The following ASAP1 variants were observed in gnomAD, a reference collection of about 807,000 sequenced individuals.
ASAP1 encodes ArfGAP with SH3 domain, ankyrin repeat and PH domain 1.
A neutral mutation model predicts 145.2 loss-of-function variants in ASAP1; 43 were observed. That is an observed-to-expected ratio of 0.30 (90% CI 0.23 to 0.38). ASAP1 has a LOEUF of 0.38. ASAP1 is among the 10% of genes least tolerant of loss of function. The pLI is 1.00. For missense variants in ASAP1, 1,018 were observed against 1,355.3 expected, an observed-to-expected ratio of 0.75 and a Z score of 3.91; for synonymous variants, 546 against 515.5, an observed-to-expected ratio of 1.06 and a Z score of -0.80.
intron 24 of ASAP1, among the ~76,000 whole-genome samples, chr8:130,108,520 C>T (rs1360459370): frequency 3.9e-5 from 6 of 152,042 alleles, no homozygotes; most frequent in Admixed American, 3.3e-4. Context: ...CAGGCTTGGC[C>T]GGGTGTGGTG....
intron 3 of ASAP1, among the ~76,000 whole-genome samples, chr8:130,262,045 G>C (rs749002001): frequency 2.6e-5 from 4 of 151,912 alleles, no homozygotes; most frequent in Admixed American, 2.0e-4. Context: ...CTAACAACCA[G>C]CATATGAGGG....
At chr8:130,414,978 G>C (rs7816836) in intron 1 of ASAP1, among the ~76,000 whole-genome samples, 1 of 152,026 alleles carries the variant, frequency 6.6e-6, no homozygotes, top group Non-Finnish European at 1.5e-5. Context: ...GGCTAGTCAC[G>C]AACTCCTGAC....
chr8:130,226,067 G>A (rs1023202616), intron 4 of ASAP1, among the ~76,000 whole-genome samples: 3 of 149,556 alleles, frequency 2.0e-5, no homozygotes, highest in African/African-American at 4.9e-5. Context: ...TTTAAGAGAT[G>A]GGGCCCTACT....
chr8:130,126,003 G>A lies in ASAP1; in HGVS notation c.1468C>T (p.Arg490Cys). 2 of 1,613,984 alleles carry A rather than the reference G, an allele frequency of 1.2e-6. No individual in the cohort carries two copies. The highest frequency in any genetic ancestry group is 8.5e-7 in the Non-Finnish European group (1 of 1,179,936). ...TTGTCTAGTTCCAAAGACTGAATGC[G>A]AGAAATATGAACCCCCATTTCCCTA... is the stretch of plus-strand genomic sequence containing the variant. ...IHREMGVHIS[R>C]IQSLELDKLG... The change falls in exon 17 of 30, where the codon CGC becomes TGC. Residue 490 changes from arginine to cysteine, a missense_variant. This residue lies in a region of ASAP1 where 153 missense variants were observed against 221.6 expected (regional missense o/e 0.69). Coordinates refer to ENST00000518721, the MANE Select transcript of ASAP1 (RefSeq NM_018482.4).
chr8:130,363,141 T>G (rs1196743717), intron 2 of ASAP1, among the ~76,000 whole-genome samples: 2 of 152,228 alleles, frequency 1.3e-5, no homozygotes, highest in African/African-American at 2.4e-5. Context: ...CTAAGGTATA[T>G]AAAGTGCTTA....
At chr8:130,224,253 G>A (rs1312840100) in intron 4 of ASAP1, among the ~76,000 whole-genome samples, 1 of 152,228 alleles carries the variant, frequency 6.6e-6, no homozygotes, top group East Asian at 1.9e-4. Flanking sequence ...GAGCTATAAT[G>A]TAATAATAAA....
intron 12 of ASAP1, among the ~76,000 whole-genome samples, chr8:130,158,181 T>A (rs1275618532): frequency 6.6e-6 from 1 of 151,950 alleles, no homozygotes; most frequent in Non-Finnish European, 1.5e-5. Flanking sequence ...TATCCACAAG[T>A]AATCAGAAAA....
rs911420834 is a variant in ASAP1 at position 130,358,927 on chromosome 8, T to C, written c.60-784A>G. Among the ~76,000 whole-genome samples the C allele has an allele frequency of 4.6e-5, 7 of 152,062 alleles. No homozygotes were observed. The highest frequency in any genetic ancestry group is 1.7e-4 in the African/African-American group (7 of 41,452). ...GCAAGAAGGGGGCCCAAAAAAGTTGTACGTGTTCTTTTTTAGTCGCGTGTG... is the reference window on the plus strand; with the variant it reads ...GCAAGAAGGGGGCCCAAAAAAGTTGCACGTGTTCTTTTTTAGTCGCGTGTG... On this transcript the variant is annotated intron_variant, in intron 2 of 29. Transcript: ENST00000518721. The surrounding 1 kb of genome is among the most constrained non-coding windows in gnomAD (Gnocchi z 4.1).
At chr8:130,122,410 G>A (rs1404232008) in intron 18 of ASAP1, among the ~76,000 whole-genome samples, 7 of 152,028 alleles carry the variant, frequency 4.6e-5, no homozygotes, top group Admixed American at 4.6e-4. Flanking sequence ...TATGCTTCTG[G>A]GTCACTGGCC....
chr8:130,165,724 G>A (rs2097678606), intron 11 of ASAP1, among the ~76,000 whole-genome samples: 1 of 152,186 alleles, frequency 6.6e-6, no homozygotes, highest in Non-Finnish European at 1.5e-5. Flanking sequence ...CAGTGCTATA[G>A]ACTTCTCTCA....
chr8:130,211,156 T>C (rs1816557399), intron 5 of ASAP1, among the ~76,000 whole-genome samples: 1 of 152,176 alleles, frequency 6.6e-6, no homozygotes, highest in Non-Finnish European at 1.5e-5. Context: ...TAGAAAAACT[T>C]TTTATAGGAA....
intron 13 of ASAP1, among the ~76,000 whole-genome samples, chr8:130,144,228 T>C (rs2097621118): frequency 6.6e-6 from 1 of 152,210 alleles, no homozygotes; most frequent in Non-Finnish European, 1.5e-5. Flanking sequence ...AGAGAGATCT[T>C]ATCGCCAGAA....
intron 3 of ASAP1, among the ~76,000 whole-genome samples, chr8:130,291,218 G>T (rs144190637): frequency 2.9e-3 from 445 of 152,312 alleles, no homozygotes; most frequent in African/African-American, 0.01. Flanking sequence ...TTCTCCTAGT[G>T]TCGAAAAATC....
chr8:130,164,916 C>CT (rs961571027), intron 11 of ASAP1, among the ~76,000 whole-genome samples: 3 of 152,196 alleles, frequency 2.0e-5, no homozygotes, highest in Non-Finnish European at 2.9e-5. Context: ...GGTCAGAACT[C>CT]TCTGTGGATG....
At chr8:130,096,168 T>C (rs181696333) in intron 24 of ASAP1, among the ~76,000 whole-genome samples, 9 of 152,220 alleles carry the variant, frequency 5.9e-5, no homozygotes, top group East Asian at 1.9e-4. Flanking sequence ...AAATACTATA[T>C]ATAAGACCCC....
chr8:130,372,893 GACACATACACAGACATATAGAC>G (rs1827277176), intron 2 of ASAP1, among the ~76,000 whole-genome samples: 2 of 151,878 alleles, frequency 1.3e-5, no homozygotes, highest in African/African-American at 2.4e-5. Context: ...TGGACACATG[GACACATACACAGACATATAGAC>G]ACACATACAC....
intron 1 of ASAP1, among the ~76,000 whole-genome samples, chr8:130,437,933 T>G (rs1830372322): frequency 6.6e-6 from 1 of 152,196 alleles, no homozygotes; most frequent in Admixed American, 6.5e-5. Flanking sequence ...CCTAACTCTG[T>G]GCACCTTCGC....
intron 3 of ASAP1, among the ~76,000 whole-genome samples, chr8:130,326,996 A>T (rs753235591): frequency 5.3e-5 from 8 of 152,154 alleles, no homozygotes; most frequent in Non-Finnish European, 8.8e-5. Flanking sequence ...CATGATTTAG[A>T]TATGAATAAC....
chr8:130,329,014 T>C (rs543483715), intron 3 of ASAP1, among the ~76,000 whole-genome samples: 2 of 152,280 alleles, frequency 1.3e-5, no homozygotes, highest in Middle Eastern at 3.4e-3. Flanking sequence ...GGTCAGAATA[T>C]GATATCTGCT....
Sources: gnomAD v4.1 joint callset for allele counts (sites outside exome capture counted in the v4.1 genomes callset) on GRCh38, gnomAD v4.1.1 for gene constraint, gnomAD v4.1.1 regional missense constraint, Gnocchi (gnomAD v3.1) non-coding constraint, MANE v1.5 for transcripts, NCBI Gene and HGNC (gene_info 2026-07-23, HGNC 2026-07-21) for gene names.